Variants in ZNF267 observed in about 807,000 individuals in gnomAD.
ZNF267 encodes zinc finger (C2H2).
A neutral mutation model predicts 71.6 loss-of-function variants in ZNF267; 61 were observed. The ratio of observed to expected loss-of-function variants is 0.85; its 90% CI spans 0.69 to 1.05. The LOEUF (loss-of-function observed/expected upper bound fraction) is 1.05. Ranked by LOEUF, ZNF267 falls within the 50% of genes least tolerant of loss-of-function variation. The pLI, the probability that ZNF267 is intolerant of heterozygous loss-of-function variation, is 0.00. For synonymous variants in ZNF267, 288 were observed against 293.2 expected, an observed-to-expected ratio of 0.98 and a Z score of 0.18; for missense variants, 852 against 870.0, an observed-to-expected ratio of 0.98 and a Z score of 0.26.
chr16:31,910,677 TA>T (rs886527179), intron 3 of ZNF267, among the ~76,000 whole-genome samples: 2 of 151,530 alleles, frequency 1.3e-5, no homozygotes, highest in African/African-American at 4.9e-5. Flanking sequence ...TTTATCTGCT[TA>T]AAAAAATCAA....
At chr16:31,896,563 T>G (rs1007913111) in intron 3 of ZNF267, among the ~76,000 whole-genome samples, 11 of 152,326 alleles carry the variant, frequency 7.2e-5, no homozygotes, top group African/African-American at 2.6e-4. Flanking sequence ...AGTGTATTCT[T>G]GGCACATTTG....
In ZNF267 at chr16:31,916,626, T is replaced by C. The variant is rs1471760255; in HGVS notation, c.*145T>C. 3.6e-6 allele frequency: 3 copies of C among 827,976 alleles called. No homozygotes were observed. The highest frequency in any genetic ancestry group is 5.5e-6 in the Non-Finnish European group (3 of 548,978). 51.3% of individuals were successfully genotyped at this position (827,976 alleles called of 1,614,324 possible). On this transcript the variant is annotated 3_prime_UTR_variant, in exon 4 of 4. Coordinates refer to ENST00000300870, the MANE Select transcript of ZNF267 (RefSeq NM_003414.6). ...TCAAGCCTTACACAATAGCAGAGAA[T>C]ATAAACTGAAAAAATCCATACAAAT...
chr16:31,916,586 A>G lies in ZNF267; in HGVS notation c.*105A>G, dbSNP rs2084180336. On this transcript the variant is annotated 3_prime_UTR_variant, in exon 4 of 4. Transcript: ENST00000300870. ...CCTACAAATGTTAAGAATGTGGCAT[A>G]ACCTTTAACTATTTTCAAGCCTTAC... 4 of 1,113,130 alleles carry G rather than the reference A, an allele frequency of 3.6e-6. No individual in the cohort carries two copies. The highest frequency in any genetic ancestry group is 1.6e-5 in the African/African-American group (1 of 63,284). The allele number at this position is 1,113,130 out of a possible 1,614,324, so 69.0% of individuals were successfully genotyped here. A position where few individuals can be genotyped will look rare whatever the true frequency, so the allele number is the denominator to read the frequency against.
chr16:31,877,481 G>A (rs1328807966), intron 1 of ZNF267, among the ~76,000 whole-genome samples: 2 of 152,200 alleles, frequency 1.3e-5, no homozygotes, highest in Admixed American at 6.5e-5. Flanking sequence ...TTCGAGATCA[G>A]AGAATGTTTC....
At position 31,916,145 on chromosome 16, in the gene ZNF267, C is replaced by G; in HGVS notation, c.1896C>G (p.Tyr632Ter). ...HRRIHTGQRP[Y>*]KCEECGKAFN... ...GAATTCATACTGGCCAGAGACCCTA[C>G]AAATGTGAAGAATGTGGCAAAGCCT... The change falls in exon 4 of 4, where the codon TAC becomes TAG. Residue 632 changes from tyrosine to a stop codon, truncating the protein, a stop_gained. Transcript: ENST00000300870. LOFTEE classifies it high-confidence loss of function. The G allele has an allele frequency of 2.5e-6, 4 of 1,613,928 alleles. No homozygotes were observed. The highest frequency in any genetic ancestry group is 3.4e-6 in the Non-Finnish European group (4 of 1,179,986).
chr16:31,893,687 C>T (rs764500586), intron 3 of ZNF267, among the ~76,000 whole-genome samples: 3 of 152,214 alleles, frequency 2.0e-5, no homozygotes, highest in Non-Finnish European at 4.4e-5. Context: ...TCAGGTTAAG[C>T]ATAACTGCTC....
In ZNF267 at chr16:31,916,345, A is replaced by C. The variant is rs949045331; in HGVS notation, c.2096A>C (p.Tyr699Ser). 9.9e-6 allele frequency: 16 copies of C among 1,613,830 alleles called. No homozygotes were observed. Among genetic ancestry groups the C allele is most frequent in the Non-Finnish European group, 1.4e-5 (16 of 1,179,876 alleles). ...GATGAATGTGGTAAAGCCTTCAGCT[A>C]TAGGTCATACCTCACTACACATCGG... Reference protein sequence around the residue: ...KCDECGKAFSYRSYLTTHRRS... With the variant: ...KCDECGKAFSSRSYLTTHRRS... The change falls in exon 4 of 4, where the codon TAT (tyrosine) becomes TCT (serine). Residue 699 changes from tyrosine (Y) to serine (S), a missense_variant. By Grantham distance (144) the Tyr-to-Ser change is moderately radical (BLOSUM62 -2). Transcript: ENST00000300870.
intron 3 of ZNF267, among the ~76,000 whole-genome samples, chr16:31,907,221 G>A (rs1248452831): frequency 6.6e-6 from 1 of 151,824 alleles, no homozygotes; most frequent in Non-Finnish European, 1.5e-5. Flanking sequence ...TTAAATTTTA[G>A]GCCATTTTCT....
intron 3 of ZNF267, among the ~76,000 whole-genome samples, chr16:31,905,147 A>G (rs1187097294): frequency 6.6e-6 from 1 of 152,228 alleles, no homozygotes; most frequent in Admixed American, 6.5e-5. Flanking sequence ...GTTTCTGCCA[A>G]GAGATCAGCT....
At chr16:31,875,265 T>C (rs537781133) in intron 1 of ZNF267, 22 of 1,289,238 alleles carry the variant, frequency 1.7e-5, no homozygotes, top group Non-Finnish European at 2.2e-5. Flanking sequence ...TTAGTGACTG[T>C]CAGCCCCAGG....
At chr16:31,911,892 A>T (rs1274311129) in intron 3 of ZNF267, 14 of 151,386 alleles carry the variant, frequency 9.2e-5, no homozygotes, top group Admixed American at 9.2e-4. Flanking sequence ...TTAACTGCTG[A>T]CAACTTCACA....
chr16:31,909,131 T>C (rs1165398867), intron 3 of ZNF267, among the ~76,000 whole-genome samples: 2 of 128,028 alleles, frequency 1.6e-5, no homozygotes, highest in Admixed American at 8.1e-5. Context: ...TTTTTTTTTT[T>C]TTTTTTTTTT....
intron 1 of ZNF267, among the ~76,000 whole-genome samples, chr16:31,883,883 C>G (rs570347864): frequency 1.3e-5 from 2 of 152,154 alleles, no homozygotes; most frequent in Non-Finnish European, 2.9e-5. Context: ...GTTAGACATG[C>G]AGATACTCAG....
intron 3 of ZNF267, chr16:31,894,626 C>A (rs1323243878): frequency 6.2e-6 from 3 of 486,350 alleles, no homozygotes; most frequent in African/African-American, 2.0e-5. Flanking sequence ...TTCAGCACTT[C>A]AGCTTCGCTG....
chr16:31,876,141 C>CT (rs1342212794), intron 1 of ZNF267, among the ~76,000 whole-genome samples: 4 of 151,944 alleles, frequency 2.6e-5, no homozygotes, highest in Non-Finnish European at 2.9e-5. Flanking sequence ...ACATCAGTTT[C>CT]TTTTTTTTGT....
chr16:31,902,176 G>A (rs984406815), intron 3 of ZNF267, among the ~76,000 whole-genome samples: 88 of 152,160 alleles, frequency 5.8e-4, no homozygotes, highest in African/African-American at 1.8e-3. Flanking sequence ...TACCAGTACC[G>A]TGCTGTTTTG....
intron 1 of ZNF267, among the ~76,000 whole-genome samples, chr16:31,874,694 A>G (rs1215835573): frequency 6.6e-6 from 1 of 152,182 alleles, no homozygotes; most frequent in Non-Finnish European, 1.5e-5. Flanking sequence ...CTTCCGTATA[A>G]TCGCCTGCTC....
At chr16:31,889,166 C>T (rs1351094869) in intron 3 of ZNF267, among the ~76,000 whole-genome samples, 5 of 142,578 alleles carry the variant, frequency 3.5e-5, no homozygotes, top group Non-Finnish European at 6.0e-5. Flanking sequence ...AGTCCTCTCT[C>T]TTTTTTTTTC....
chr16:31,885,365 G>T, intron 3 of ZNF267, 109 bp downstream of exon 3: 1 of 901,848 alleles, frequency 1.1e-6, no homozygotes, highest in East Asian at 2.9e-5. Context: ...AATGATTTTT[G>T]AGACACCTGG....
Sources: allele counts gnomAD v4.1 joint callset (sites outside exome capture counted in the v4.1 genomes callset), GRCh38; gene constraint gnomAD v4.1.1; transcripts MANE v1.5; gene names NCBI Gene and HGNC (gene_info 2026-07-23, HGNC 2026-07-21).